The following AREG variants were observed in gnomAD, a reference collection of about 807,000 sequenced individuals.
The protein encoded by AREG is amphiregulin, also known as amphiregulin B.
AREG carries 16 observed loss-of-function variants against 28.0 expected under a neutral mutation model. That is an observed-to-expected ratio of 0.57 (90% CI 0.39 to 0.87). The LOEUF (loss-of-function observed/expected upper bound fraction) is 0.87, where lower values mean the gene tolerates loss of function less well. AREG is among the 40% of genes least tolerant of loss of function. AREG has a pLI of 0.00. For missense variants in AREG, 287 were observed against 309.1 expected (o/e 0.93, Z 0.53); for synonymous variants, 113 against 113.5 (o/e 1.00, Z 0.02).
intron 5 of AREG, 122 bp downstream of exon 5, chr4:74,452,777 A>G: frequency 3.7e-6 from 3 of 813,602 alleles, no homozygotes; most frequent in Non-Finnish European, 1.9e-6. Flanking sequence ...AACAATGGCT[A>G]TGTTAAAGTA....
At chr4:74,447,214 A>G (rs1462732910) in intron 2 of AREG, among the ~76,000 whole-genome samples, 3 of 152,180 alleles carry the variant, frequency 2.0e-5, no homozygotes, top group Non-Finnish European at 2.9e-5. Context: ...GACATTAACC[A>G]TTCCTATCTA....
intron 4 of AREG, among the ~76,000 whole-genome samples, chr4:74,451,461 C>T (rs1219048692): frequency 2.0e-5 from 3 of 152,196 alleles, no homozygotes; most frequent in Non-Finnish European, 4.4e-5. Context: ...CCACGACTAC[C>T]ATTCAGGAAA....
In AREG at chr4:74,454,985, C is replaced by A; in HGVS notation, c.*245C>A. On this transcript the variant is annotated 3_prime_UTR_variant, in exon 6 of 6. Transcript: ENST00000395748. ...ATGGAAGTGTATTTATTTTACAGCT[C>A]ATTAAACTTTTTTAACCAAACAGAT... 1 of 584,954 alleles carries A rather than the reference C, an allele frequency of 1.7e-6. No individual in the cohort carries two copies. The highest frequency in any genetic ancestry group is 3.0e-6 in the Non-Finnish European group (1 of 332,566). The allele number at this position is 584,954 out of a possible 1,614,324, so 36.2% of individuals were successfully genotyped here.
rs765353878 is a variant in AREG, at chr4:74,446,677, A to G, written c.205A>G (p.Met69Val). The G allele has an allele frequency of 2.5e-6, 4 of 1,613,926 alleles. No homozygotes were observed. The highest frequency in any genetic ancestry group is 1.1e-5 in the South Asian group (1 of 91,064). Residue 69 changes from methionine (M) to valine (V), a missense_variant, in exon 2 of 6, where the codon ATG (methionine) becomes GTG (valine). Physicochemically the swap from Met to Val is conservative, Grantham distance 21 (BLOSUM62 1). Coordinates refer to ENST00000395748, the MANE Select transcript of AREG (RefSeq NM_001657.4). ...SGSEISPVSE[M>V]PSSSEPSSGA... ...GAGTGAGATTTCCCCTGTGAGTGAAATGCCTTCTAGTAGTGAACCGTCCTC... is the reference window on the plus strand; with the variant it reads ...GAGTGAGATTTCCCCTGTGAGTGAAGTGCCTTCTAGTAGTGAACCGTCCTC...
chr4:74,453,180 C>G (rs1719407392), intron 5 of AREG, among the ~76,000 whole-genome samples: 1 of 152,132 alleles, frequency 6.6e-6, no homozygotes, highest in Non-Finnish European at 1.5e-5. Flanking sequence ...ATGGCTTAAT[C>G]TAAATGAGTG....
At position 74,450,477 on chromosome 4, in the gene AREG, A is replaced by G; in HGVS notation, c.610A>G (p.Ile204Val). 1.2e-6 allele frequency: 2 copies of G among 1,613,972 alleles called. No individual in the cohort carries two copies. The highest frequency in any genetic ancestry group is 1.3e-5 in the African/African-American group (1 of 75,062). The change falls in exon 4 of 6, where the codon ATA (isoleucine) becomes GTA (valine). Residue 204 changes from isoleucine (I) to valine (V), a missense_variant. Physicochemically the swap from Ile to Val is conservative, Grantham distance 29. Transcript: ENST00000395748. ...TTTATCAAAAATTGCATTAGCAGCC[A>G]TAGCTGCCTTTATGTCTGCTGTGAT... The part of the protein sequence containing the change: ...SSLSKIALAA[I>V]AAFMSAVILT...
In AREG at chr4:74,450,523, T is replaced by C. The variant is rs1719365212; in HGVS notation, c.656T>C (p.Ile219Thr). The C allele has an allele frequency of 6.2e-7, 1 of 1,613,916 alleles. No homozygotes were observed. Among genetic ancestry groups the C allele is most frequent in the African/African-American group, 1.3e-5 (1 of 75,056 alleles). ...GTGATCCTCACAGCTGTTGCTGTTA[T>C]TACAGTCCAGTAAGTATGACATAAC... ...SAVILTAVAV[I>T]TVQLRRQYVR... The change falls in exon 4 of 6, where the codon ATT becomes ACT. Residue 219 changes from isoleucine to threonine, a missense_variant. Transcript: ENST00000395748.
intron 4 of AREG, among the ~76,000 whole-genome samples, chr4:74,452,022 A>G (rs1414715616): frequency 6.6e-6 from 1 of 152,200 alleles, no homozygotes; most frequent in Non-Finnish European, 1.5e-5. Flanking sequence ...CCTCCTAACA[A>G]CAGGGGGTTT....
At chr4:74,451,670 A>G (rs1415204975) in intron 4 of AREG, among the ~76,000 whole-genome samples, 2 of 152,206 alleles carry the variant, frequency 1.3e-5, no homozygotes, top group Non-Finnish European at 2.9e-5. Context: ...ACATACTCTC[A>G]GACAAACCAT....
rs1173501290 is a variant in AREG, at chr4:74,452,531, T to G, written c.666-13T>G. The stretch of plus-strand genomic sequence containing the variant: ...AGAACCTTGATAACATTAGAATGCC[T>G]TGTTCTCTGAAGGCTTAGAAGACAA... On this transcript the variant is annotated splice_polypyrimidine_tract_variant and intron_variant, in intron 4 of 5. Coordinates refer to ENST00000395748, the MANE Select transcript of AREG (RefSeq NM_001657.4). 3.8e-5 allele frequency: 61 copies of G among 1,613,256 alleles called. No homozygotes were observed. Among genetic ancestry groups the G allele is most frequent in the Non-Finnish European group, 4.9e-5 (58 of 1,179,608 alleles).
chr4:74,448,244 T>G (rs1735860142), intron 2 of AREG, among the ~76,000 whole-genome samples: 1 of 152,256 alleles, frequency 6.6e-6, no homozygotes, highest in African/African-American at 2.4e-5. Flanking sequence ...GAGAAAAGTT[T>G]CAATATAAAA....
chr4:74,445,543 C>A, intron 1 of AREG, 137 bp downstream of exon 1: 3 of 1,486,912 alleles, frequency 2.0e-6, no homozygotes, highest in Non-Finnish European at 1.8e-6. Flanking sequence ...CACTGTAGCT[C>A]CCTCCCTAGG....
At chr4:74,450,176 A>G (rs1432934991) in intron 3 of AREG, among the ~76,000 whole-genome samples, 1 of 152,172 alleles carries the variant, frequency 6.6e-6, no homozygotes, top group Admixed American at 6.5e-5. Flanking sequence ...TTCTTGAACT[A>G]TCACACCCAA....
chr4:74,448,799 TCCACCTGCAAG>T, intron 2 of AREG: 2 of 450,414 alleles, frequency 4.4e-6, no homozygotes, highest in Middle Eastern at 6.3e-4. Context: ...CTCAGTTTTT[TCCACCTGCAAG>T]TAGTACTCAC....
intron 4 of AREG, among the ~76,000 whole-genome samples, chr4:74,451,652 T>A (rs1042332143): frequency 2.5e-4 from 38 of 152,312 alleles, no homozygotes; most frequent in Non-Finnish European, 4.0e-4. Flanking sequence ...TGCAAAGGTG[T>A]TTAGGAGACA....
intron 3 of AREG, among the ~76,000 whole-genome samples, chr4:74,449,782 A>C (rs1246431069): frequency 6.6e-5 from 10 of 152,078 alleles, no homozygotes; most frequent in African/African-American, 2.2e-4. Flanking sequence ...AAATGTAAAA[A>C]CTATTCTTAG....
chr4:74,446,809 G>A lies in AREG; in HGVS notation c.310+27G>A, dbSNP rs376421056. 21 of 1,613,884 alleles carry A rather than the reference G, an allele frequency of 1.3e-5. No individual in the cohort carries two copies. The African/African-American group carries it at 2.5e-4, about 19-fold the overall frequency. On this transcript the variant is annotated intron_variant, in intron 2 of 5. Coordinates refer to ENST00000395748, the MANE Select transcript of AREG (RefSeq NM_001657.4). ...TGAGTAGGGGATAAAGCAAAAATAT[G>A]GCCTGTGAGATGTGGGTTTATATGA... is the stretch of plus-strand genomic sequence containing the variant.
At chr4:74,448,016 C>G (rs894618316) in intron 2 of AREG, among the ~76,000 whole-genome samples, 21 of 152,304 alleles carry the variant, frequency 1.4e-4, no homozygotes, top group Admixed American at 3.9e-4. Flanking sequence ...CTCAAAATTG[C>G]AATGCATTGT....
Position 74,446,527 on chromosome 4 carries a change from C to G in AREG, c.62-7C>G. On this transcript the variant is annotated splice_polypyrimidine_tract_variant and splice_region_variant and intron_variant, in intron 1 of 5. Coordinates refer to ENST00000395748, the MANE Select transcript of AREG (RefSeq NM_001657.4). ...TTTCTTTTCTTCCTTTATTCCCTCC[C>G]CTGCAGGCCATTATGCTGCTGGATT... 1 of 1,613,966 alleles carries G rather than the reference C, an allele frequency of 6.2e-7. No individual in the cohort carries two copies. The highest frequency in any genetic ancestry group is 8.5e-7 in the Non-Finnish European group (1 of 1,179,862).
Sources: gnomAD v4.1 joint callset for allele counts (sites outside exome capture counted in the v4.1 genomes callset) on GRCh38, gnomAD v4.1.1 for gene constraint, MANE v1.5 for transcripts, NCBI Gene and HGNC (gene_info 2026-07-23, HGNC 2026-07-21) for gene names.